The following SSPN variants were observed in gnomAD, a reference collection of about 807,000 sequenced individuals.
SSPN encodes K-ras oncogene-associated protein.
A neutral mutation model predicts 19.1 loss-of-function variants in SSPN; 15 were observed. The ratio of observed to expected loss-of-function variants is 0.78; its 90% CI spans 0.52 to 1.21. The LOEUF (loss-of-function observed/expected upper bound fraction) is 1.21. Ranked by LOEUF, SSPN falls within the 50% of genes most tolerant of loss-of-function variation. SSPN has a pLI of 0.00. For synonymous variants in SSPN, 147 were observed against 140.3 expected (o/e 1.05, Z -0.34); for missense variants, 291 against 314.0 (o/e 0.93, Z 0.55).
At chr12:26,207,981 C>T (rs189904407) in intron 1 of SSPN, among the ~76,000 whole-genome samples, 2 of 145,286 alleles carry the variant, frequency 1.4e-5, no homozygotes, top group Admixed American at 1.4e-4. Flanking sequence ...GCCTGGGCAA[C>T]AGAGCAAGAC....
At chr12:26,217,350 G>A (rs1250649934) in intron 1 of SSPN, among the ~76,000 whole-genome samples, 2 of 131,216 alleles carry the variant, frequency 1.5e-5, no homozygotes, top group South Asian at 2.9e-4. Flanking sequence ...GTGAATGGGA[G>A]TTCACTCATG....
At chr12:26,213,647 C>A (rs1945015954) in intron 1 of SSPN, among the ~76,000 whole-genome samples, 1 of 151,962 alleles carries the variant, frequency 6.6e-6, no homozygotes, top group Admixed American at 6.6e-5. Flanking sequence ...AATAACAGAG[C>A]CAGCAAGGCT....
intron 1 of SSPN, among the ~76,000 whole-genome samples, chr12:26,141,159 G>A (rs1041118272): frequency 1.6e-4 from 25 of 152,170 alleles, no homozygotes; most frequent in Non-Finnish European, 3.7e-4. Context: ...GGATTATCCA[G>A]GTGGGAACAA....
At chr12:26,135,924 G>C (rs1178530011) in intron 1 of SSPN, among the ~76,000 whole-genome samples, 2 of 152,100 alleles carry the variant, frequency 1.3e-5, no homozygotes, top group African/African-American at 4.8e-5. Context: ...TTCTGCTTCA[G>C]ACATACCAAA....
intron 1 of SSPN, among the ~76,000 whole-genome samples, chr12:26,130,446 A>G (rs1356497677): frequency 1.3e-5 from 2 of 152,230 alleles, no homozygotes; most frequent in Admixed American, 1.3e-4. Context: ...CTTTAAAAAA[A>G]CAACAACAGA....
chr12:26,224,201 T>C (rs1945152962), intron 1 of SSPN, 92 bp from the exon 2 acceptor site: 1 of 858,376 alleles, frequency 1.2e-6, no homozygotes, highest in African/African-American at 1.7e-5. Context: ...CTTTATAACA[T>C]GGATGTGACT....
intron 1 of SSPN, chr12:26,123,814 T>G: frequency 4.1e-6 from 4 of 977,442 alleles, no homozygotes; most frequent in Non-Finnish European, 6.6e-6. Flanking sequence ...GGCTGTCCAT[T>G]CAGCACAGCA....
intron 1 of SSPN, among the ~76,000 whole-genome samples, chr12:26,217,161 T>G (rs1325336046): frequency 5.0e-5 from 6 of 121,102 alleles, no homozygotes; most frequent in African/African-American, 1.9e-4. Flanking sequence ...TAAATTACCT[T>G]GGGCAGTATG....
chr12:26,187,989 G>A (rs957133452), intron 1 of SSPN, among the ~76,000 whole-genome samples: 2 of 152,126 alleles, frequency 1.3e-5, no homozygotes, highest in African/African-American at 4.8e-5. Flanking sequence ...AGGAAAAGAC[G>A]ACAGGGCTAG....
At chr12:26,184,844 C>G (rs933665102) in intron 1 of SSPN, among the ~76,000 whole-genome samples, 7 of 151,992 alleles carry the variant, frequency 4.6e-5, no homozygotes, top group African/African-American at 1.7e-4. Flanking sequence ...GTAATATGCT[C>G]ATGAGAAGAC....
intron 1 of SSPN, among the ~76,000 whole-genome samples, chr12:26,177,493 T>C (rs1469059690): frequency 6.6e-6 from 1 of 152,086 alleles, no homozygotes; most frequent in African/African-American, 2.4e-5. Context: ...GTGGCGGAAG[T>C]TCCCCAGGCA....
At position 26,211,019 on chromosome 12, in the gene SSPN, TGA is replaced by T. The variant is rs1944980545; in HGVS notation, c.280-13272_280-13271del. The T allele has an allele frequency of 2.6e-5, 4 of 152,256 alleles. No individual in the cohort carries two copies. In the South Asian group the frequency reaches 8.3e-4, roughly 32 times the overall value. The allele number at this position is 152,256 out of a possible 1,614,324, so 9.4% of individuals were successfully genotyped here. ...ACACTTTGTGGGTAGTGGGAATAGC[TGA>T]GCAGGATTTGACGAATAAGTGTGAG... is the stretch of plus-strand genomic sequence containing the variant. On this transcript the variant is annotated intron_variant, in intron 1 of 2. Coordinates refer to ENST00000242729, the MANE Select transcript of SSPN (RefSeq NM_005086.5).
chr12:26,122,288 G>A, intron 1 of SSPN: 1 of 1,197,038 alleles, frequency 8.4e-7, no homozygotes, highest in African/African-American at 1.6e-5. Flanking sequence ...GGAACGCGGC[G>A]GCGGCGGCGG....
At chr12:26,130,031 T>C (rs1318853497) in intron 1 of SSPN, among the ~76,000 whole-genome samples, 1 of 152,160 alleles carries the variant, frequency 6.6e-6, no homozygotes, top group Non-Finnish European at 1.5e-5. Flanking sequence ...TCCCTCATGG[T>C]GCCCATGTGC....
Position 26,232,217 on chromosome 12 carries a change from T to G in SSPN, c.*1141T>G. The G allele has an allele frequency of 2.0e-6, 2 of 985,450 alleles. No individual in the cohort carries two copies. Among genetic ancestry groups the G allele is most frequent in the South Asian group, 9.4e-5 (2 of 21,288 alleles). The allele number at this position is 985,450 out of a possible 1,614,324, so 61.0% of individuals were successfully genotyped here. Reference sequence around the variant, plus strand: ...TTTGATACATAATCCTATTATTAATTCGTATGCTTAGTCAACCTAGGAAAT... The same window carrying G: ...TTTGATACATAATCCTATTATTAATGCGTATGCTTAGTCAACCTAGGAAAT... On this transcript the variant is annotated 3_prime_UTR_variant, in exon 3 of 3. Transcript: ENST00000242729.
chr12:26,198,125 A>C (rs2137459774), intron 1 of SSPN, among the ~76,000 whole-genome samples: 1 of 151,656 alleles, frequency 6.6e-6, no homozygotes, highest in East Asian at 2.0e-4. Flanking sequence ...CCTGGTGTTG[A>C]GCACCAGCTC....
Position 26,230,783 on chromosome 12 carries a change from T to C in SSPN, c.439T>C (p.Tyr147His). 6.2e-7 allele frequency: 1 copy of C among 1,614,234 alleles called. No individual in the cohort carries two copies. The highest frequency in any genetic ancestry group is 1.1e-5 in the South Asian group (1 of 91,090). The stretch of plus-strand genomic sequence containing the variant: ...GGCCGTGGCCTTTGCCGCCCACCAC[T>C]ATTCGCAGCTCACACAGTTTACCTG... ...VLAVAFAAHH[Y>H]SQLTQFTCET... is the part of the protein sequence containing the mutation. The change falls in exon 3 of 3, where the codon TAT (tyrosine) becomes CAT (histidine). Residue 147 changes from tyrosine (Y) to histidine (H), a missense_variant. Around this residue, in one of 3 missense-constraint regions of SSPN, gnomAD observed 141 missense variants for 166.7 expected, o/e 0.85. Transcript: ENST00000242729.
chr12:26,200,378 G>T (rs1244872224), intron 1 of SSPN, among the ~76,000 whole-genome samples: 1 of 152,150 alleles, frequency 6.6e-6, no homozygotes, highest in African/African-American at 2.4e-5. Flanking sequence ...AATTCAAGTT[G>T]CAGGTTTATT....
chr12:26,230,790 A>T lies in SSPN; in HGVS notation c.446A>T (p.Gln149Leu). 1 of 1,614,184 alleles carries T rather than the reference A, an allele frequency of 6.2e-7. No homozygotes were observed. Residue 149 changes from glutamine to leucine, a missense_variant, in exon 3 of 3, where the codon CAG becomes CTG. Transcript: ENST00000242729. Reference sequence around the variant, plus strand: ...GCCTTTGCCGCCCACCACTATTCGCAGCTCACACAGTTTACCTGTGAGACC... The same window carrying T: ...GCCTTTGCCGCCCACCACTATTCGCTGCTCACACAGTTTACCTGTGAGACC... ...AVAFAAHHYS[Q>L]LTQFTCETTL...
Sources: gnomAD v4.1 joint callset for allele counts (sites outside exome capture counted in the v4.1 genomes callset) on GRCh38, gnomAD v4.1.1 for gene constraint, gnomAD v4.1.1 regional missense constraint, MANE v1.5 for transcripts, NCBI Gene and HGNC (gene_info 2026-07-23, HGNC 2026-07-21) for gene names.